Variants in TANC1 observed in about 807,000 individuals in gnomAD.
The protein encoded by TANC1 is tetratricopeptide repeat, ankyrin repeat and coiled-coil containing 1.
TANC1 carries 77 observed loss-of-function variants against 149.7 expected under a neutral mutation model. The ratio of observed to expected loss-of-function variants is 0.51; its 90% CI spans 0.43 to 0.62. TANC1 has a LOEUF of 0.62. Among genes scored for constraint, TANC1 ranks in the 20% least tolerant of loss-of-function variants. The probability of loss-of-function intolerance (pLI) is 0.00; values close to 1 mark genes in which losing one functional copy is unlikely to be tolerated. For missense variants in TANC1, 1,985 were observed against 2,321.8 expected (o/e 0.85, Z 2.98); for synonymous variants, 854 against 925.0 (o/e 0.92, Z 1.39).
intron 10 of TANC1, among the ~76,000 whole-genome samples, chr2:159,171,866 A>AGAAAAG (rs796423692): frequency 7.2e-5 from 7 of 97,658 alleles, no homozygotes; most frequent in African/African-American, 1.7e-4. Flanking sequence ...TAAAAAAAAA[A>AGAAAAG]AAAAAAAAAG....
Position 159,074,800 on chromosome 2 carries a change from C to G in TANC1, c.61+8829C>G, listed in dbSNP as rs80222873. Among the ~76,000 whole-genome samples the G allele has an allele frequency of 7.8e-3, 1,190 of 152,190 alleles. 14 individuals are homozygous for G. The highest frequency in any genetic ancestry group is 0.027 in the African/African-American group (1,107 of 41,516). On this transcript the variant is annotated intron_variant, in intron 3 of 26. Transcript: ENST00000263635. ...ACTTATTTCCCCTCGCCATGCTGCA[C>G]GCTTGAAAGTCTGAGATGAGGGTGC...
intron 2 of TANC1, among the ~76,000 whole-genome samples, chr2:159,017,314 G>T (rs1470613993): frequency 6.6e-6 from 1 of 152,192 alleles, no homozygotes; most frequent in African/African-American, 2.4e-5. Context: ...TAAGATAAAA[G>T]ATATTATATT....
At chr2:158,999,852 AG>A (rs2036470735) in intron 1 of TANC1, among the ~76,000 whole-genome samples, 1 of 152,218 alleles carries the variant, frequency 6.6e-6, no homozygotes, top group Admixed American at 6.5e-5. Context: ...CTCTGTTCTC[AG>A]GGAGACAGAC....
intron 9 of TANC1, 86 bp downstream of exon 9, chr2:159,169,458 C>G (rs1373536247): frequency 1.4e-6 from 2 of 1,381,640 alleles, no homozygotes; most frequent in African/African-American, 2.9e-5. Context: ...GCATTGAAGC[C>G]AACTGTGTTT....
intron 3 of TANC1, among the ~76,000 whole-genome samples, chr2:159,069,231 T>G (rs2042933981): frequency 6.6e-6 from 1 of 152,192 alleles, no homozygotes; most frequent in South Asian, 2.1e-4. Context: ...CTTTACCATG[T>G]TTTTTTAGAG....
intron 22 of TANC1, among the ~76,000 whole-genome samples, chr2:159,223,099 T>C (rs1402247191): frequency 2.0e-5 from 3 of 152,096 alleles, no homozygotes; most frequent in African/African-American, 7.2e-5. Context: ...AGAGATGGGG[T>C]TTCACTATGT....
At chr2:159,068,986 T>C (rs971996319) in intron 3 of TANC1, among the ~76,000 whole-genome samples, 1 of 152,144 alleles carries the variant, frequency 6.6e-6, no homozygotes, top group Non-Finnish European at 1.5e-5. Flanking sequence ...AGTGATCCAC[T>C]CGCCTCGGCC....
At chr2:159,115,940 C>T (rs763514483) in intron 4 of TANC1, among the ~76,000 whole-genome samples, 2 of 152,114 alleles carry the variant, frequency 1.3e-5, no homozygotes, top group Non-Finnish European at 2.9e-5. Flanking sequence ...GTGTAATTAA[C>T]TACAGTGTGG....
chr2:159,148,105 A>G (rs1484183248), intron 5 of TANC1: 1 of 152,208 alleles, frequency 6.6e-6, no homozygotes, highest in African/African-American at 2.4e-5. Flanking sequence ...TAAGCAAAAT[A>G]GGTTCATATG....
intron 9 of TANC1, among the ~76,000 whole-genome samples, chr2:159,169,833 A>G (rs1264002520): frequency 6.6e-6 from 1 of 152,142 alleles, no homozygotes; most frequent in African/African-American, 2.4e-5. Context: ...TCTCTGTTAA[A>G]AATATAAAAA....
intron 1 of TANC1, among the ~76,000 whole-genome samples, chr2:158,973,947 C>T (rs920257471): frequency 3.3e-5 from 5 of 152,148 alleles, no homozygotes; most frequent in Admixed American, 1.3e-4. Context: ...ACACTCCCCT[C>T]TCTCTGCCAT....
chr2:159,203,664 T>C (rs182632268), intron 19 of TANC1, among the ~76,000 whole-genome samples: 1 of 152,228 alleles, frequency 6.6e-6, no homozygotes, highest in Non-Finnish European at 1.5e-5. Context: ...CTCCCCACAC[T>C]CAGGTGCTCC....
chr2:159,079,931 G>A (rs778610661), intron 3 of TANC1, among the ~76,000 whole-genome samples: 5 of 152,282 alleles, frequency 3.3e-5, no homozygotes, highest in African/African-American at 1.2e-4. Flanking sequence ...TGCATGGGAG[G>A]GGTTTTAGAA....
intron 7 of TANC1, among the ~76,000 whole-genome samples, chr2:159,159,993 C>CA (rs35392745): frequency 1.1e-4 from 16 of 151,404 alleles, no homozygotes; most frequent in African/African-American, 2.9e-4. Flanking sequence ...CCATATTATT[C>CA]AAAAAAAAGA....
At chr2:159,058,610 A>G (rs1173956082) in intron 2 of TANC1, among the ~76,000 whole-genome samples, 1 of 152,196 alleles carries the variant, frequency 6.6e-6, no homozygotes, top group Non-Finnish European at 1.5e-5. Context: ...TCTTTTGACC[A>G]TTGTGGCCTG....
At chr2:159,192,450 C>T (rs1348121723) in intron 16 of TANC1, among the ~76,000 whole-genome samples, 1 of 152,030 alleles carries the variant, frequency 6.6e-6, no homozygotes, top group Admixed American at 6.6e-5. Flanking sequence ...CACCCAGCCA[C>T]AATTATTACT....
At chr2:159,221,978 CT>C (rs2059736211) in intron 22 of TANC1, among the ~76,000 whole-genome samples, 2 of 152,196 alleles carry the variant, frequency 1.3e-5, no homozygotes. Context: ...GAAGGACTAG[CT>C]GGAGAGACAG....
At chr2:159,174,880 G>T (rs2055675111) in intron 11 of TANC1, 73 bp from the exon 12 acceptor site, 9 of 1,165,126 alleles carry the variant, frequency 7.7e-6, no homozygotes, top group Non-Finnish European at 1.0e-5. Flanking sequence ...GCAGAGTTGT[G>T]TTCCTGTTTG....
intron 18 of TANC1, among the ~76,000 whole-genome samples, chr2:159,198,144 C>CT (rs2057999531): frequency 6.6e-6 from 1 of 152,232 alleles, no homozygotes. Context: ...TGGACTCCTC[C>CT]TGTCCCTCTT....
Sources: allele counts gnomAD v4.1 joint callset (sites outside exome capture counted in the v4.1 genomes callset), GRCh38; gene constraint gnomAD v4.1.1; transcripts MANE v1.5; gene names NCBI Gene and HGNC (gene_info 2026-07-23, HGNC 2026-07-21).